Variants in PCDHGA2 observed in about 807,000 individuals in gnomAD.
The protein encoded by PCDHGA2 is protocadherin gamma-A2.
A neutral mutation model predicts 59.2 loss-of-function variants in PCDHGA2; 40 were observed. The ratio of observed to expected loss-of-function variants is 0.68; its 90% CI spans 0.52 to 0.88. PCDHGA2 has a LOEUF of 0.88. Ranked by LOEUF, PCDHGA2 falls within the 40% of genes least tolerant of loss-of-function variation. The pLI is 0.00. For synonymous variants in PCDHGA2, 560 were observed against 526.0 expected, an observed-to-expected ratio of 1.06 and a Z score of -0.89; for missense variants, 1,226 against 1,204.0, an observed-to-expected ratio of 1.02 and a Z score of -0.27.
Position 141,476,852 on chromosome 5 carries a change from C to T in PCDHGA2, c.2425-17955C>T. 6.2e-7 allele frequency: 1 copy of T among 1,613,828 alleles called. No homozygotes were observed. Among genetic ancestry groups the T allele is most frequent in the Non-Finnish European group, 8.5e-7 (1 of 1,180,044 alleles). ...GAATGACAATGCGCCTGTCTTCAAC[C>T]AGTCCTTGTACCGGGCGCGCGTCCT... On this transcript the variant is annotated intron_variant, in intron 1 of 3. Coordinates refer to ENST00000394576, the MANE Select transcript of PCDHGA2 (RefSeq NM_018915.4). This position sits in a 1 kb window ranked among gnomAD's most constrained non-coding sequence, Gnocchi z 7.6.
chr5:141,423,923 G>A (rs2096790975), intron 1 of PCDHGA2: 2 of 1,254,626 alleles, frequency 1.6e-6, no homozygotes, highest in African/African-American at 1.6e-5. Flanking sequence ...CAACTATGCT[G>A]GTTTGGTTTG....
intron 1 of PCDHGA2, chr5:141,484,876 A>T (rs1461505847): frequency 6.3e-6 from 2 of 315,126 alleles, no homozygotes; most frequent in Admixed American, 9.4e-5. Flanking sequence ...CGTGGAGGAT[A>T]GGGTGGGCTT....
At chr5:141,372,589 G>A in intron 1 of PCDHGA2, 1 of 1,614,030 alleles carries the variant, frequency 6.2e-7, no homozygotes, top group Non-Finnish European at 8.5e-7. Context: ...CCTGGTGTCT[G>A]CTTCAAGACT....
rs753002448 is a variant in PCDHGA2 at position 141,355,220 on chromosome 5, G to T, written c.2424+13825G>T. 3.1e-6 allele frequency: 5 copies of T among 1,607,878 alleles called. No homozygotes were observed. In the African/African-American group the frequency reaches 4.0e-5, roughly 13 times the overall value. ...GTTGTAATGGCGGCGCCTCCTGCTC[G>T]CCCAGACCACACCCGGCTGCTCCAG... On this transcript the variant is annotated intron_variant, in intron 1 of 3. Transcript: ENST00000394576.
intron 1 of PCDHGA2, among the ~76,000 whole-genome samples, chr5:141,454,371 G>A (rs901551817): frequency 6.6e-6 from 1 of 152,096 alleles, no homozygotes; most frequent in Non-Finnish European, 1.5e-5. Context: ...AAGGAGTATG[G>A]CAACTTGTCA....
intron 1 of PCDHGA2, chr5:141,419,876 C>T (rs1219393740): frequency 1.4e-5 from 23 of 1,614,084 alleles, no homozygotes; most frequent in Non-Finnish European, 1.9e-5. Flanking sequence ...AGAGGTACTG[C>T]CGGATTTCAG....
rs75563633 is a variant in PCDHGA2 at position 141,365,084 on chromosome 5, C to G, written c.2424+23689C>G. The G allele has an allele frequency of 4.2e-4, 675 of 1,613,836 alleles. 2 individuals carry two copies. The African/African-American group carries it at 8.3e-3, about 20-fold the overall frequency. ...CCCATCCGAGTACAGCGTGAGTGTT[C>G]CAGAGAACATACCTGTGGGCACTCG... On this transcript the variant is annotated intron_variant, in intron 1 of 3. Coordinates refer to ENST00000394576, the MANE Select transcript of PCDHGA2 (RefSeq NM_018915.4).
rs751908443 is a variant in PCDHGA2 at position 141,361,870 on chromosome 5, C to T, written c.2424+20475C>T. 4.3e-6 allele frequency: 7 copies of T among 1,611,302 alleles called. No homozygotes were observed. The Admixed American group carries it at 5.0e-5, about 12-fold the overall frequency. On this transcript the variant is annotated intron_variant, in intron 1 of 3. Transcript: ENST00000394576. The stretch of plus-strand genomic sequence containing the variant: ...TGGCTCCGCCCTCTTCGATATGGTG[C>T]CACGCGCCGCAGAGCCCGGCTACCT...
chr5:141,393,984 C>G (rs1176875822), intron 1 of PCDHGA2: 1 of 1,613,570 alleles, frequency 6.2e-7, no homozygotes, highest in South Asian at 1.1e-5. Flanking sequence ...TGATAATTTA[C>G]CTTTTAAATT....
At position 141,431,203 on chromosome 5, in the gene PCDHGA2, T is replaced by C. The variant is rs139061906; in HGVS notation, c.2425-63604T>C. On this transcript the variant is annotated intron_variant, in intron 1 of 3. Coordinates refer to ENST00000394576, the MANE Select transcript of PCDHGA2 (RefSeq NM_018915.4). This position sits in a 1 kb window ranked among gnomAD's most constrained non-coding sequence, Gnocchi z 4.8. ...TAAAAATTAGTGAAAATGCAGCCACTGAGATGCGGTTCCCTCTACCCCACG... is the reference window on the plus strand; with the variant it reads ...TAAAAATTAGTGAAAATGCAGCCACCGAGATGCGGTTCCCTCTACCCCACG... The C allele has an allele frequency of 3.1e-6, 5 of 1,614,116 alleles. No individual in the cohort carries two copies. The highest frequency in any genetic ancestry group is 1.1e-5 in the South Asian group (1 of 91,090).
chr5:141,437,371 A>C (rs887976412), intron 1 of PCDHGA2, among the ~76,000 whole-genome samples: 1 of 152,262 alleles, frequency 6.6e-6, no homozygotes, highest in African/African-American at 2.4e-5. Context: ...GAATGTAATC[A>C]GTCAGAAGAC....
chr5:141,390,042 G>A, intron 1 of PCDHGA2: 1 of 1,614,034 alleles, frequency 6.2e-7, no homozygotes, highest in Non-Finnish European at 8.5e-7. Flanking sequence ...CTCCAGCCCC[G>A]CCTCCTGGAG....
At chr5:141,392,770 T>G in intron 1 of PCDHGA2, 1 of 1,511,750 alleles carries the variant, frequency 6.6e-7, no homozygotes, top group South Asian at 1.3e-5. Flanking sequence ...AAGACCCATT[T>G]ATGCACAGTG....
At chr5:141,357,773 T>C in intron 1 of PCDHGA2, 1 of 917,442 alleles carries the variant, frequency 1.1e-6, no homozygotes, top group Non-Finnish European at 1.6e-6. Context: ...CTTCCAATAA[T>C]GATCAACAGT....
At chr5:141,344,915 TAACTC>T (rs1196577099) in intron 1 of PCDHGA2, 6 of 1,613,928 alleles carry the variant, frequency 3.7e-6, no homozygotes, top group Non-Finnish European at 3.4e-6. Context: ...TTTTCCATCT[TAACTC>T]AGTGAGTGGA....
At chr5:141,505,154 C>T (rs1443235547) in intron 2 of PCDHGA2, among the ~76,000 whole-genome samples, 2 of 152,028 alleles carry the variant, frequency 1.3e-5, no homozygotes, top group Non-Finnish European at 2.9e-5. Flanking sequence ...AGAGTAAGAC[C>T]CTGTCTAAAA....
intron 1 of PCDHGA2, chr5:141,408,968 C>T (rs752629281): frequency 6.2e-7 from 1 of 1,613,702 alleles, no homozygotes; most frequent in Non-Finnish European, 8.5e-7. Context: ...TGAAAATCTG[C>T]CCCCTGGGTC....
At chr5:141,423,722 GT>G in intron 1 of PCDHGA2, 1 of 954,176 alleles carries the variant, frequency 1.0e-6, no homozygotes, top group Admixed American at 5.1e-5. Flanking sequence ...TTAAGGAGAT[GT>G]TTTTTGAGCC....
At chr5:141,407,978 A>T (rs1354199341) in intron 1 of PCDHGA2, 8 of 743,974 alleles carry the variant, frequency 1.1e-5, no homozygotes, top group Non-Finnish European at 1.4e-5. Flanking sequence ...GACGCCGGGG[A>T]TCCGTCAGCC....
Sources: allele counts gnomAD v4.1 joint callset (sites outside exome capture counted in the v4.1 genomes callset), GRCh38; gene constraint gnomAD v4.1.1; non-coding constraint Gnocchi (gnomAD v3.1); transcripts MANE v1.5; gene names NCBI Gene and HGNC (gene_info 2026-07-23, HGNC 2026-07-21).